The following SULF2 variants were observed in gnomAD, a reference collection of about 807,000 sequenced individuals.
The protein encoded by SULF2 is extracellular sulfatase Sulf-2.
In SULF2, 52 loss-of-function variants were observed where a neutral mutation model predicts 107.7. The observed-to-expected ratio is 0.48, with a 90% CI of 0.39 to 0.61. The LOEUF is 0.61. Ranked by LOEUF, SULF2 falls within the 20% of genes least tolerant of loss-of-function variation. The probability of loss-of-function intolerance (pLI) is 0.00; values close to 1 mark genes in which losing one functional copy is unlikely to be tolerated. For synonymous variants in SULF2, 460 were observed against 464.3 expected (o/e 0.99, Z 0.12); for missense variants, 993 against 1,177.3 (o/e 0.84, Z 2.29).
At position 47,757,367 on chromosome 20, in the gene SULF2, C is replaced by T. The variant is rs2090319517; in HGVS notation, c.-4G>A. 1.9e-6 allele frequency: 3 copies of T among 1,578,096 alleles called. No homozygotes were observed. Among genetic ancestry groups the T allele is most frequent in the Non-Finnish European group, 1.7e-6 (2 of 1,158,206 alleles). ...GCACGAGGCTCGGGGGGCCCATCTT[C>T]TTTTTTTGCTGATCTGGTGCTTCTT... On this transcript the variant is annotated 5_prime_UTR_variant, in exon 2 of 21. Coordinates refer to ENST00000688720, the MANE Select transcript of SULF2 (RefSeq NM_001387048.1).
intron 11 of SULF2, among the ~76,000 whole-genome samples, chr20:47,668,829 G>A (rs560020320): frequency 2.0e-5 from 3 of 147,610 alleles, no homozygotes; most frequent in South Asian, 4.2e-4. Context: ...CATGCCCATG[G>A]TGCTTCTCAC....
chr20:47,731,592 T>C (rs1372710766), intron 3 of SULF2, among the ~76,000 whole-genome samples: 1 of 152,152 alleles, frequency 6.6e-6, no homozygotes, highest in Non-Finnish European at 1.5e-5. Context: ...GCATCACACA[T>C]CTTCAAGAGC....
chr20:47,765,366 CAAAACAAA>C (rs2090507914), intron 1 of SULF2, among the ~76,000 whole-genome samples: 2 of 83,098 alleles, frequency 2.4e-5, no homozygotes, highest in South Asian at 1.2e-3. Context: ...AAAAACAAAA[CAAAACAAA>C]AAAAAAAAAA....
intron 4 of SULF2, among the ~76,000 whole-genome samples, chr20:47,700,637 C>CTTTTTTTTTTTTT (rs59966689): frequency 4.8e-5 from 6 of 126,210 alleles, no homozygotes; most frequent in Non-Finnish European, 6.4e-5. Flanking sequence ...GGTGCAACAT[C>CTTTTTTTTTTTTT]TTTTTTTTTT....
intron 10 of SULF2, 54 bp downstream of exon 10, chr20:47,676,440 G>A (rs6018633): frequency 6.3e-7 from 1 of 1,583,986 alleles, no homozygotes; most frequent in Non-Finnish European, 8.6e-7. Flanking sequence ...TCGCAGGTCA[G>A]GGCCGGCTGC....
intron 15 of SULF2, among the ~76,000 whole-genome samples, chr20:47,663,911 CCT>C (rs1400520890): frequency 2.6e-5 from 4 of 152,190 alleles, no homozygotes; most frequent in Non-Finnish European, 5.9e-5. Context: ...TGTGTCCTGC[CCT>C]GCTTGGTGGA....
At chr20:47,727,384 C>T (rs1365757926) in intron 3 of SULF2, among the ~76,000 whole-genome samples, 1 of 152,122 alleles carries the variant, frequency 6.6e-6, no homozygotes, top group Admixed American at 6.5e-5. Context: ...TTCCCAGCAA[C>T]CCCCAGGAAC....
Position 47,666,755 on chromosome 20 carries a change from G to C in SULF2, c.1577-267C>G, listed in dbSNP as rs910323239. ...AGGATTTCAAGCGAGAGCTGCTTGC[G>C]GGTAAACAAATGGCGGTACATCATC... On this transcript the variant is annotated intron_variant, in intron 11 of 20. Coordinates refer to ENST00000688720, the MANE Select transcript of SULF2 (RefSeq NM_001387048.1). The surrounding 1 kb of genome is among the most constrained non-coding windows in gnomAD (Gnocchi z 5.4). Among the ~76,000 whole-genome samples, 1 of 152,220 alleles carries C rather than the reference G, an allele frequency of 6.6e-6. No individual in the cohort carries two copies. The highest frequency in any genetic ancestry group is 2.4e-5 in the African/African-American group (1 of 41,456).
At chr20:47,740,436 C>A (rs1408262899) in intron 2 of SULF2, among the ~76,000 whole-genome samples, 1 of 152,112 alleles carries the variant, frequency 6.6e-6, no homozygotes, top group African/African-American at 2.4e-5. Flanking sequence ...AGAAGGGGGT[C>A]CTCTAGTGGT....
intron 3 of SULF2, among the ~76,000 whole-genome samples, chr20:47,728,642 C>A (rs2089513129): frequency 6.7e-6 from 1 of 149,830 alleles, no homozygotes; most frequent in Non-Finnish European, 1.5e-5. Flanking sequence ...AGGGAGCTGG[C>A]ATTTTATTTA....
Position 47,718,634 on chromosome 20 carries a change from G to A in SULF2, c.416-15964C>T, listed in dbSNP as rs377045057. On this transcript the variant is annotated intron_variant, in intron 3 of 20. Coordinates refer to ENST00000688720, the MANE Select transcript of SULF2 (RefSeq NM_001387048.1). The stretch of plus-strand genomic sequence containing the variant: ...GGTTGGTTCCAGGCTATTTTTAAAG[G>A]TGGAACCAATGGGATTTGCTGATGT... 2.6e-5 allele frequency among the ~76,000 whole-genome samples: 4 copies of A among 152,296 alleles called. No individual in the cohort carries two copies. The East Asian group carries it at 5.8e-4, about 22-fold the overall frequency.
intron 11 of SULF2, among the ~76,000 whole-genome samples, chr20:47,669,260 T>TGAA (rs2087382817): frequency 1.3e-5 from 2 of 152,188 alleles, no homozygotes; most frequent in African/African-American, 4.8e-5. Flanking sequence ...GTCCCCCTTC[T>TGAA]GCTGTGAGCT....
At chr20:47,768,882 G>GTTTT (rs11473246) in intron 1 of SULF2, among the ~76,000 whole-genome samples, 6,980 of 127,304 alleles carry the variant, frequency 0.055, 422 homozygotes, top group South Asian at 0.16. Context: ...TTGTGTGCGT[G>GTTTT]TTTTTTTTTT....
rs555935795 is a variant in SULF2 at position 47,725,907 on chromosome 20, G to C, written c.415+10796C>G. 3.3e-3 allele frequency among the ~76,000 whole-genome samples: 496 copies of C among 152,342 alleles called. 2 individuals are homozygous for C. Among genetic ancestry groups the C allele is most frequent in the African/African-American group, 0.011 (471 of 41,576 alleles). On this transcript the variant is annotated intron_variant, in intron 3 of 20. Coordinates refer to ENST00000688720, the MANE Select transcript of SULF2 (RefSeq NM_001387048.1). ...CGGATGGATTCCCAAAGGACTCGCT[G>C]TGTGGGCTGGCACAACCTGCTGGCC...
At chr20:47,736,237 C>G (rs957626139) in intron 3 of SULF2, among the ~76,000 whole-genome samples, 1 of 152,188 alleles carries the variant, frequency 6.6e-6, no homozygotes, top group Non-Finnish European at 1.5e-5. Flanking sequence ...AGTTTCTGCA[C>G]CACCTTGGTT....
chr20:47,748,017 G>T (rs2090082683), intron 2 of SULF2, among the ~76,000 whole-genome samples: 2 of 152,120 alleles, frequency 1.3e-5, no homozygotes, highest in South Asian at 4.1e-4. Context: ...TTGTCCCTGG[G>T]CCACCCTCTT....
At chr20:47,696,140 G>A (rs2088367563) in intron 4 of SULF2, among the ~76,000 whole-genome samples, 1 of 152,160 alleles carries the variant, frequency 6.6e-6, no homozygotes, top group Admixed American at 6.5e-5. Context: ...AGGCTATGTG[G>A]CCCGGTTACA....
intron 11 of SULF2, among the ~76,000 whole-genome samples, chr20:47,669,783 C>T (rs2087402300): frequency 6.6e-6 from 1 of 152,180 alleles, no homozygotes; most frequent in Non-Finnish European, 1.5e-5. Context: ...GCTGAGCTGA[C>T]TCTCAGCTAC....
chr20:47,664,134 A>G lies in SULF2; in HGVS notation c.2053T>C (p.Phe685Leu). ...AGGACCTCAAGCTGCTCTTACCTGA[A>G]AGGATGCAGACTGGAGCCTCTGTGC... is the stretch of plus-strand genomic sequence containing the variant. The part of the protein sequence containing the change: ...LKHRGSSLHP[F>L]RKGLQEKDKV... Residue 685 changes from phenylalanine (F) to leucine (L), a missense_variant, in exon 15 of 21, where the codon TTC (phenylalanine) becomes CTC (leucine). Around this residue, in one of 3 missense-constraint regions of SULF2, gnomAD observed 497 missense variants for 544.1 expected, o/e 0.91. Transcript: ENST00000688720. The G allele has an allele frequency of 6.2e-7, 1 of 1,613,580 alleles. No individual in the cohort carries two copies. Among genetic ancestry groups the G allele is most frequent in the Non-Finnish European group, 8.5e-7 (1 of 1,179,870 alleles).
Sources: gnomAD v4.1 joint callset for allele counts (sites outside exome capture counted in the v4.1 genomes callset) on GRCh38, gnomAD v4.1.1 for gene constraint, gnomAD v4.1.1 regional missense constraint, Gnocchi (gnomAD v3.1) non-coding constraint, MANE v1.5 for transcripts, NCBI Gene and HGNC (gene_info 2026-07-23, HGNC 2026-07-21) for gene names.